Variants in USP34 observed in about 807,000 individuals in gnomAD.
USP34 encodes the protein ubiquitin carboxyl-terminal hydrolase 34.
A neutral mutation model predicts 460.3 loss-of-function variants in USP34; 70 were observed. The observed-to-expected ratio is 0.15, with a 90% CI of 0.13 to 0.19. The LOEUF is 0.19. Among genes scored for constraint, USP34 ranks in the 10% least tolerant of loss-of-function variants. USP34 has a pLI of 1.00. For missense variants in USP34, 3,985 were observed against 4,236.2 expected (o/e 0.94, Z 1.65); for synonymous variants, 1,647 against 1,405.3 (o/e 1.17, Z -3.85).
intron 23 of USP34, among the ~76,000 whole-genome samples, chr2:61,316,704 G>T (rs778348160): frequency 6.6e-6 from 1 of 152,044 alleles, no homozygotes; most frequent in Admixed American, 6.6e-5. Context: ...CGCCAACATG[G>T]TGAAACCCCA....
At chr2:61,355,839 T>C (rs1462458231) in intron 10 of USP34, among the ~76,000 whole-genome samples, 1 of 152,188 alleles carries the variant, frequency 6.6e-6, no homozygotes, top group African/African-American at 2.4e-5. Context: ...TTTTAAAACT[T>C]GATCCAATTG....
chr2:61,254,713 T>C (rs1688676555), intron 48 of USP34, among the ~76,000 whole-genome samples: 1 of 152,236 alleles, frequency 6.6e-6, no homozygotes, highest in Non-Finnish European at 1.5e-5. Flanking sequence ...ATCAGCATTT[T>C]TGGAGGCTGA....
chr2:61,451,727 T>C (rs568137746), intron 1 of USP34, among the ~76,000 whole-genome samples: 4 of 151,966 alleles, frequency 2.6e-5, no homozygotes, highest in Non-Finnish European at 5.9e-5. Context: ...ACCTGGCATT[T>C]CAAATCAATG....
chr2:61,250,999 G>A (rs1177923565), intron 48 of USP34, among the ~76,000 whole-genome samples: 8 of 152,112 alleles, frequency 5.3e-5, no homozygotes, highest in African/African-American at 1.7e-4. Context: ...TTAGCCGGGC[G>A]TGGTGGCGGG....
At chr2:61,248,446 T>C in intron 49 of USP34, 65 bp downstream of exon 49, 1 of 1,464,782 alleles carries the variant, frequency 6.8e-7, no homozygotes, top group Non-Finnish European at 9.1e-7. Flanking sequence ...AACTTTATAA[T>C]TATGCCTACC....
chr2:61,470,853 A>T lies in USP34; in HGVS notation c.-161T>A. 20 of 202,200 alleles carry T rather than the reference A, an allele frequency of 9.9e-5. No individual in the cohort carries two copies. The highest frequency in any genetic ancestry group is 2.4e-4 in the East Asian group (1 of 4,144). 12.5% of individuals were successfully genotyped at this position (202,200 alleles called of 1,614,324 possible). On this transcript the variant is annotated 5_prime_UTR_variant, in exon 1 of 80. Transcript: ENST00000398571. Reference sequence around the variant, plus strand: ...CGGGGACGGGGCGGGGAGCAAGAGAATGGGGGAGGGGGCCGGCGGTCCCCG... The same window carrying T: ...CGGGGACGGGGCGGGGAGCAAGAGATTGGGGGAGGGGGCCGGCGGTCCCCG...
intron 43 of USP34, among the ~76,000 whole-genome samples, chr2:61,262,334 C>G (rs1688914437): frequency 6.6e-6 from 1 of 151,996 alleles, no homozygotes; most frequent in Non-Finnish European, 1.5e-5. Context: ...TCCTGTTCCT[C>G]TTCCCACACT....
intron 20 of USP34, among the ~76,000 whole-genome samples, chr2:61,326,616 A>T (rs1003434014): frequency 1.3e-5 from 2 of 152,208 alleles, no homozygotes; most frequent in Non-Finnish European, 2.9e-5. Flanking sequence ...TAGTTCAAGT[A>T]CTTGAGCACT....
At chr2:61,356,079 A>T (rs1264829894) in intron 10 of USP34, among the ~76,000 whole-genome samples, 2 of 152,146 alleles carry the variant, frequency 1.3e-5, no homozygotes, top group African/African-American at 4.8e-5. Flanking sequence ...TCAAAGCAAG[A>T]TCTCAAAGAG....
At chr2:61,268,587 C>T (rs1298919834) in intron 41 of USP34, among the ~76,000 whole-genome samples, 2 of 151,808 alleles carry the variant, frequency 1.3e-5, no homozygotes, top group African/African-American at 4.8e-5. Context: ...TTATACCCAG[C>T]ATCAGGTATT....
chr2:61,343,959 C>G lies in USP34; in HGVS notation c.2356G>C (p.Glu786Gln), dbSNP rs781477500. The G allele has an allele frequency of 6.2e-7, 1 of 1,613,872 alleles. No homozygotes were observed. Among genetic ancestry groups the G allele is most frequent in the Admixed American group, 1.7e-5 (1 of 60,008 alleles). Residue 786 changes from glutamate to glutamine, a missense_variant, in exon 16 of 80, where the codon GAA (glutamate) becomes CAA (glutamine). By Grantham distance (29) the Glu-to-Gln change is conservative. This residue lies in a region of USP34 where 716 missense variants were observed against 626.2 expected (regional missense o/e 1.14). Transcript: ENST00000398571. ...CSSSQVSAKS[E>Q]KNMADFDGEE... is the part of the protein sequence containing the mutation. ...CCATCAAAATCAGCCATATTTTTTT[C>G]TGATTTTGCACTAACCTGGGAGCTA...
intron 25 of USP34, among the ~76,000 whole-genome samples, chr2:61,313,511 T>C (rs1177781755): frequency 6.6e-6 from 1 of 152,164 alleles, no homozygotes; most frequent in Non-Finnish European, 1.5e-5. Flanking sequence ...AGACAGAAAT[T>C]ATAGCAGACT....
intron 5 of USP34, among the ~76,000 whole-genome samples, chr2:61,390,116 T>C (rs983939249): frequency 6.6e-6 from 1 of 152,226 alleles, no homozygotes; most frequent in Non-Finnish European, 1.5e-5. Flanking sequence ...ATACGTTACT[T>C]AAGCCCTACA....
At chr2:61,343,075 T>TGGCCTC (rs1439732917) in intron 16 of USP34, among the ~76,000 whole-genome samples, 1 of 152,246 alleles carries the variant, frequency 6.6e-6, no homozygotes, top group Non-Finnish European at 1.5e-5. Flanking sequence ...AGTGTGTTTA[T>TGGCCTC]GGCCTCTTTG....
chr2:61,466,201 G>A (rs934409845), intron 1 of USP34, among the ~76,000 whole-genome samples: 5 of 152,036 alleles, frequency 3.3e-5, no homozygotes, highest in African/African-American at 9.7e-5. Context: ...AAGGCGGGCA[G>A]ATCACTTGAG....
intron 21 of USP34, among the ~76,000 whole-genome samples, chr2:61,320,979 C>T (rs1690902391): frequency 2.6e-5 from 4 of 151,846 alleles, no homozygotes; most frequent in Non-Finnish European, 5.9e-5. Context: ...CACTGCACTC[C>T]ATCCTGTGCG....
intron 74 of USP34, among the ~76,000 whole-genome samples, chr2:61,203,609 ATTATT>A (rs1391323434): frequency 6.6e-6 from 1 of 152,168 alleles, no homozygotes; most frequent in African/African-American, 2.4e-5. Context: ...TGTAATGTTA[ATTATT>A]TTAAATATTT....
At chr2:61,368,846 C>T (rs1692519671) in intron 10 of USP34, among the ~76,000 whole-genome samples, 1 of 152,014 alleles carries the variant, frequency 6.6e-6, no homozygotes, top group South Asian at 2.1e-4. Flanking sequence ...ATAAAAACTA[C>T]AACCACAAAT....
intron 1 of USP34, among the ~76,000 whole-genome samples, chr2:61,462,865 A>C (rs1419150427): frequency 6.6e-6 from 1 of 151,182 alleles, no homozygotes; most frequent in Non-Finnish European, 1.5e-5. Flanking sequence ...GTTTCCCAAA[A>C]AAAAAAAAAA....
Sources: gnomAD v4.1 joint callset for allele counts (sites outside exome capture counted in the v4.1 genomes callset) on GRCh38, gnomAD v4.1.1 for gene constraint, gnomAD v4.1.1 regional missense constraint, MANE v1.5 for transcripts, NCBI Gene and HGNC (gene_info 2026-07-23, HGNC 2026-07-21) for gene names.